The following SLC35F4 variants were observed in gnomAD, a reference collection of about 807,000 sequenced individuals.
SLC35F4 encodes the protein solute carrier family 35 member F4.
Under a neutral mutation model 44.2 loss-of-function variants are expected in SLC35F4, and 24 were observed. That is an observed-to-expected ratio of 0.54 (90% confidence interval 0.39 to 0.76). The LOEUF (loss-of-function observed/expected upper bound fraction) is 0.76, where lower values mean the gene tolerates loss of function less well. Among genes scored for constraint, SLC35F4 ranks in the 30% least tolerant of loss-of-function variants. The pLI is 0.00. For missense variants in SLC35F4, 562 were observed against 586.1 expected (o/e 0.96, Z 0.42); for synonymous variants, 238 against 223.6 (o/e 1.06, Z -0.57).
intron 1 of SLC35F4, among the ~76,000 whole-genome samples, chr14:57,849,582 TA>T (rs1470938412): frequency 1.4e-4 from 21 of 152,074 alleles, no homozygotes; most frequent in African/African-American, 4.6e-4. Flanking sequence ...ATTCTATCCA[TA>T]AAACAAGAAT....
chr14:57,658,046 A>G (rs1421976857), intron 1 of SLC35F4, among the ~76,000 whole-genome samples: 3 of 152,206 alleles, frequency 2.0e-5, no homozygotes, highest in Non-Finnish European at 4.4e-5. Context: ...TCAACACCCA[A>G]TAAGTAGCTA....
At chr14:57,639,991 G>T (rs1268258119) in intron 1 of SLC35F4, among the ~76,000 whole-genome samples, 2 of 151,840 alleles carry the variant, frequency 1.3e-5, no homozygotes, top group Non-Finnish European at 2.9e-5. Context: ...AGCCAACAAA[G>T]ACCTCCCCCT....
chr14:57,957,950 G>T (rs982980477), intron 1 of SLC35F4, among the ~76,000 whole-genome samples: 2 of 152,128 alleles, frequency 1.3e-5, no homozygotes, highest in Non-Finnish European at 2.9e-5. Flanking sequence ...CGAATTCAGT[G>T]TTTGCTGTGA....
chr14:57,656,946 A>G (rs1024496269), intron 1 of SLC35F4, among the ~76,000 whole-genome samples: 5 of 152,170 alleles, frequency 3.3e-5, no homozygotes, highest in African/African-American at 9.7e-5. Flanking sequence ...CGTCTTTGTT[A>G]TTAGATAGCA....
intron 1 of SLC35F4, among the ~76,000 whole-genome samples, chr14:57,647,438 A>G (rs2073583506): frequency 6.6e-6 from 1 of 151,994 alleles, no homozygotes; most frequent in Non-Finnish European, 1.5e-5. Context: ...TCAAAATAAA[A>G]ATTTGTTTTA....
In SLC35F4 at chr14:57,653,274, G is replaced by A. The variant is rs906121682; in HGVS notation, c.104-59150C>T. On this transcript the variant is annotated intron_variant, in intron 1 of 7. Transcript: ENST00000556826. The stretch of plus-strand genomic sequence containing the variant: ...AATATCCCACAAGGCCCAATAAAAT[G>A]AGGCATGAAAGACGACTTCAGTGTA... Among the ~76,000 whole-genome samples, 5 of 152,280 alleles carry A rather than the reference G, an allele frequency of 3.3e-5. No individual in the cohort carries two copies. The South Asian group carries it at 8.3e-4, about 25-fold the overall frequency.
intron 1 of SLC35F4, among the ~76,000 whole-genome samples, chr14:57,841,827 C>CA (rs528173209): frequency 2.0e-4 from 30 of 149,258 alleles, no homozygotes; most frequent in South Asian, 4.2e-4. Context: ...TCTACCCAAA[C>CA]AAAAAAAAAT....
At chr14:57,674,164 A>G (rs2074611515) in intron 1 of SLC35F4, among the ~76,000 whole-genome samples, 1 of 152,120 alleles carries the variant, frequency 6.6e-6, no homozygotes, top group African/African-American at 2.4e-5. Flanking sequence ...ACAATAAGAT[A>G]CCACTACAAT....
intron 1 of SLC35F4, among the ~76,000 whole-genome samples, chr14:57,613,395 A>G (rs555339175): frequency 6.6e-6 from 1 of 152,072 alleles, no homozygotes; most frequent in Non-Finnish European, 1.5e-5. Flanking sequence ...CCTGTCATAC[A>G]CTCCCCTGAG....
chr14:57,858,618 A>G (rs1225180785), intron 1 of SLC35F4, among the ~76,000 whole-genome samples: 1 of 151,846 alleles, frequency 6.6e-6, no homozygotes, highest in African/African-American at 2.4e-5. Context: ...AACACGGCGC[A>G]TGTATACATA....
chr14:57,725,112 G>C (rs2076170573), intron 1 of SLC35F4, among the ~76,000 whole-genome samples: 1 of 152,146 alleles, frequency 6.6e-6, no homozygotes, highest in African/African-American at 2.4e-5. Context: ...CAGCAGAGGA[G>C]GATTTTAATA....
intron 1 of SLC35F4, among the ~76,000 whole-genome samples, chr14:57,883,039 G>A (rs1214426756): frequency 2.7e-5 from 4 of 147,090 alleles, no homozygotes; most frequent in African/African-American, 1.1e-4. Context: ...AGGGGAGAAG[G>A]AGGAGAAGGG....
intron 1 of SLC35F4, among the ~76,000 whole-genome samples, chr14:57,865,331 G>A (rs1888059111): frequency 6.6e-6 from 1 of 152,002 alleles, no homozygotes; most frequent in South Asian, 2.1e-4. Context: ...CACGCAGTAG[G>A]GGCTTTCGGG....
chr14:57,630,952 G>A (rs1302901784), intron 1 of SLC35F4: 1 of 606,290 alleles, frequency 1.6e-6, no homozygotes, highest in African/African-American at 2.0e-5. Context: ...TATGCTTGAA[G>A]TATTTGGTGA....
chr14:57,675,271 C>T (rs897410780), intron 1 of SLC35F4, among the ~76,000 whole-genome samples: 13 of 151,948 alleles, frequency 8.6e-5, no homozygotes, highest in African/African-American at 1.9e-4. Context: ...ACACAAAAGA[C>T]TAAACAAATA....
chr14:57,762,403 C>T (rs1169804891), intron 1 of SLC35F4, among the ~76,000 whole-genome samples: 5 of 152,120 alleles, frequency 3.3e-5, no homozygotes, highest in Non-Finnish European at 5.9e-5. Flanking sequence ...TAGATCTTAT[C>T]TAGCAGGCTG....
chr14:57,583,891 G>C (rs2069490704), intron 3 of SLC35F4, among the ~76,000 whole-genome samples: 1 of 152,152 alleles, frequency 6.6e-6, no homozygotes, highest in East Asian at 1.9e-4. Flanking sequence ...GGGATGATGA[G>C]ATCAGACTTT....
chr14:57,745,524 C>T (rs2076731345), intron 1 of SLC35F4, among the ~76,000 whole-genome samples: 1 of 152,150 alleles, frequency 6.6e-6, no homozygotes, highest in South Asian at 2.1e-4. Flanking sequence ...CAAATCAAAA[C>T]CACAATGAGA....
chr14:57,874,350 C>G (rs1291098971), intron 1 of SLC35F4, among the ~76,000 whole-genome samples: 3 of 152,198 alleles, frequency 2.0e-5, no homozygotes, highest in African/African-American at 7.2e-5. Flanking sequence ...ATGACCAGTG[C>G]TTCTCAGAGT....
Sources: gnomAD v4.1 joint callset for allele counts (sites outside exome capture counted in the v4.1 genomes callset) on GRCh38, gnomAD v4.1.1 for gene constraint, MANE v1.5 for transcripts, NCBI Gene and HGNC (gene_info 2026-07-23, HGNC 2026-07-21) for gene names.